RRAS2: variants seen among roughly 807,000 people sequenced by gnomAD.
The protein encoded by RRAS2 is ras-related protein R-Ras2.
RRAS2 carries 7 observed loss-of-function variants against 27.6 expected under a neutral mutation model. That is an observed-to-expected ratio of 0.25 (90% CI 0.14 to 0.48). RRAS2 has a LOEUF of 0.48. Ranked by LOEUF, RRAS2 falls within the 20% of genes least tolerant of loss-of-function variation. The pLI, the probability that RRAS2 is intolerant of heterozygous loss-of-function variation, is 0.99. For missense variants in RRAS2, 178 were observed against 256.2 expected (o/e 0.69, Z 2.08); for synonymous variants, 86 against 90.9 (o/e 0.95, Z 0.31).
intron 1 of RRAS2, among the ~76,000 whole-genome samples, chr11:14,310,757 T>C (rs1034980641): frequency 1.3e-5 from 2 of 152,206 alleles, no homozygotes; most frequent in Non-Finnish European, 2.9e-5. Context: ...ACCAGGACTT[T>C]CCTAGGCAAG....
At chr11:14,346,701 T>A (rs1848839065) in intron 1 of RRAS2, among the ~76,000 whole-genome samples, 1 of 152,234 alleles carries the variant, frequency 6.6e-6, no homozygotes, top group Non-Finnish European at 1.5e-5. Flanking sequence ...TATATTGTAC[T>A]CTTGTAAAAA....
At chr11:14,305,947 A>C (rs1847818430) in intron 1 of RRAS2, among the ~76,000 whole-genome samples, 1 of 152,078 alleles carries the variant, frequency 6.6e-6, no homozygotes, top group South Asian at 2.1e-4. Flanking sequence ...TGAGAGGCTG[A>C]GGTAGGAGGA....
chr11:14,343,679 C>T (rs1848766632), intron 1 of RRAS2, among the ~76,000 whole-genome samples: 1 of 150,890 alleles, frequency 6.6e-6, no homozygotes, highest in South Asian at 2.1e-4. Flanking sequence ...AAAAAAAATA[C>T]AAAAATTAGC....
chr11:14,337,126 T>G (rs1288093410), intron 1 of RRAS2: 3 of 152,104 alleles, frequency 2.0e-5, no homozygotes, highest in African/African-American at 7.3e-5. Context: ...TCACTTTCCT[T>G]GGTTTCAGTT....
intron 1 of RRAS2, among the ~76,000 whole-genome samples, chr11:14,318,522 A>AC (rs1436128993): frequency 3.9e-5 from 6 of 152,022 alleles, no homozygotes; most frequent in South Asian, 2.1e-4. Context: ...AAACAAACAA[A>AC]AAAAAAAACC....
intron 1 of RRAS2, among the ~76,000 whole-genome samples, chr11:14,306,436 G>A (rs1476835792): frequency 6.6e-6 from 1 of 152,032 alleles, no homozygotes; most frequent in African/African-American, 2.4e-5. Context: ...TGAGTAGCTG[G>A]GACTACAGGC....
At chr11:14,296,353 CT>C (rs1397391585) in intron 1 of RRAS2, among the ~76,000 whole-genome samples, 1 of 152,150 alleles carries the variant, frequency 6.6e-6, no homozygotes, top group African/African-American at 2.4e-5. Flanking sequence ...ACCAAATGTT[CT>C]TATGAGCACC....
intron 1 of RRAS2, among the ~76,000 whole-genome samples, chr11:14,355,006 G>A (rs571433686): frequency 1.3e-5 from 2 of 152,068 alleles, no homozygotes; most frequent in East Asian, 3.9e-4. Context: ...CTCTGTAGAT[G>A]GCACGGTGCT....
chr11:14,311,982 A>T (rs1203115539), intron 1 of RRAS2, among the ~76,000 whole-genome samples: 1 of 151,924 alleles, frequency 6.6e-6, no homozygotes, highest in Admixed American at 6.6e-5. Context: ...CTCCTGCTTC[A>T]GCCTGCTGAG....
chr11:14,325,166 C>G (rs1454986787), intron 1 of RRAS2, among the ~76,000 whole-genome samples: 1 of 152,192 alleles, frequency 6.6e-6, no homozygotes, highest in Admixed American at 6.5e-5. Flanking sequence ...CAAACTTACC[C>G]TGATGTGAAG....
chr11:14,281,711 C>G lies in RRAS2; in HGVS notation c.418G>C (p.Glu140Gln). Residue 140 changes from glutamate to glutamine, a missense_variant, in exon 5 of 6, where the codon GAA becomes CAA. Coordinates refer to ENST00000256196, the MANE Select transcript of RRAS2 (RefSeq NM_012250.6). ...DLDHQRQVTQ[E>Q]EGQQLARQLK... Reference sequence around the variant, plus strand: ...TGCCGTGCTAACTGTTGTCCTTCTTCCTGTGTTACCTGAAATTCCAACAGT... The same window carrying G: ...TGCCGTGCTAACTGTTGTCCTTCTTGCTGTGTTACCTGAAATTCCAACAGT... The G allele has an allele frequency of 6.3e-7, 1 of 1,598,634 alleles. No individual in the cohort carries two copies. Among genetic ancestry groups the G allele is most frequent in the South Asian group, 1.1e-5 (1 of 87,314 alleles).
chr11:14,291,612 A>G (rs1023022721), intron 4 of RRAS2, among the ~76,000 whole-genome samples: 3 of 152,180 alleles, frequency 2.0e-5, no homozygotes, highest in African/African-American at 4.8e-5. Flanking sequence ...CTTTAGGGTG[A>G]CTGAAATAAG....
chr11:14,341,660 G>A (rs963078970), intron 1 of RRAS2: 11 of 224,952 alleles, frequency 4.9e-5, no homozygotes, highest in East Asian at 4.2e-4. Flanking sequence ...CTTGTGTCTC[G>A]TCAAACAAGT....
At chr11:14,311,142 G>GT (rs1159612979) in intron 1 of RRAS2, among the ~76,000 whole-genome samples, 1 of 152,134 alleles carries the variant, frequency 6.6e-6, no homozygotes, top group Non-Finnish European at 1.5e-5. Flanking sequence ...GAAGCTAGGA[G>GT]TTTGAGACCA....
intron 1 of RRAS2, chr11:14,308,094 C>T (rs1336131930): frequency 3.9e-6 from 1 of 258,368 alleles, no homozygotes; most frequent in East Asian, 1.3e-4. Flanking sequence ...TGACTTCATG[C>T]ATTAATATAC....
chr11:14,348,849 T>C (rs782573718), intron 1 of RRAS2, among the ~76,000 whole-genome samples: 5 of 152,224 alleles, frequency 3.3e-5, no homozygotes, highest in African/African-American at 4.8e-5. Flanking sequence ...GGTGATCTCA[T>C]TGCTAAAGGG....
At chr11:14,346,727 C>T (rs1591487460) in intron 1 of RRAS2, among the ~76,000 whole-genome samples, 2 of 152,186 alleles carry the variant, frequency 1.3e-5, no homozygotes, top group South Asian at 4.1e-4. Flanking sequence ...GTGGATGTTA[C>T]ATGTTCTCAC....
chr11:14,355,929 T>G (rs943918638), intron 1 of RRAS2, among the ~76,000 whole-genome samples: 1 of 152,190 alleles, frequency 6.6e-6, no homozygotes, highest in Admixed American at 6.5e-5. Context: ...GCTACCCTAT[T>G]AAGTGTAAAT....
At chr11:14,360,937 G>A (rs1465208041), upstream of RRAS2, among the ~76,000 whole-genome samples, 1 of 151,368 alleles carries the variant, frequency 6.6e-6, no homozygotes, top group Non-Finnish European at 1.5e-5. Flanking sequence ...AAAAGTGCTG[G>A]GATTACAGGC....
Sources: gnomAD v4.1 joint callset for allele counts (sites outside exome capture counted in the v4.1 genomes callset) on GRCh38, gnomAD v4.1.1 for gene constraint, MANE v1.5 for transcripts, NCBI Gene and HGNC (gene_info 2026-07-23, HGNC 2026-07-21) for gene names.